Variants in HECW1 observed in about 807,000 individuals in gnomAD.
HECW1 encodes E3 ubiquitin-protein ligase HECW1.
HECW1 carries 61 observed loss-of-function variants against 182.3 expected under a neutral mutation model. That is an observed-to-expected ratio of 0.33 (90% CI 0.27 to 0.41). The LOEUF (loss-of-function observed/expected upper bound fraction) is 0.41, where lower values mean the gene tolerates loss of function less well. Among genes scored for constraint, HECW1 ranks in the 10% least tolerant of loss-of-function variants. The pLI, the probability that HECW1 is intolerant of heterozygous loss-of-function variation, is 1.00. For synonymous variants in HECW1, 859 were observed against 832.6 expected, an observed-to-expected ratio of 1.03 and a Z score of -0.55; for missense variants, 1,739 against 2,108.9, an observed-to-expected ratio of 0.82 and a Z score of 3.44.
chr7:43,333,826 A>C (rs781571805), intron 5 of HECW1, among the ~76,000 whole-genome samples: 1 of 152,158 alleles, frequency 6.6e-6, no homozygotes, highest in African/African-American at 2.4e-5. Flanking sequence ...AACAGAGTCA[A>C]CTGACCTATC....
At chr7:43,424,640 T>A (rs1054605036) in intron 8 of HECW1, among the ~76,000 whole-genome samples, 13 of 151,530 alleles carry the variant, frequency 8.6e-5, no homozygotes, top group Admixed American at 4.6e-4. Context: ...AATAAAAAAA[T>A]AAATAAATAA....
chr7:43,404,675 A>G (rs1239376040), intron 7 of HECW1, among the ~76,000 whole-genome samples: 3 of 152,154 alleles, frequency 2.0e-5, no homozygotes, highest in Admixed American at 2.0e-4. Context: ...AATATAACAG[A>G]TTGGTTAAAA....
intron 2 of HECW1, among the ~76,000 whole-genome samples, chr7:43,172,140 G>T (rs552766514): frequency 6.8e-6 from 1 of 148,040 alleles, no homozygotes; most frequent in Non-Finnish European, 1.5e-5. Context: ...AAAAAAATTA[G>T]CCAGGCACAA....
At chr7:43,500,015 A>G (rs1436595810) in intron 19 of HECW1, among the ~76,000 whole-genome samples, 1 of 151,852 alleles carries the variant, frequency 6.6e-6, no homozygotes, top group African/African-American at 2.4e-5. Context: ...TAAATTTTCC[A>G]TCAGGCACAA....
intron 2 of HECW1, among the ~76,000 whole-genome samples, chr7:43,165,403 G>GT (rs1425195745): frequency 6.6e-6 from 1 of 151,092 alleles, no homozygotes; most frequent in Non-Finnish European, 1.5e-5. Context: ...TTGGCGGGGG[G>GT]GGGTGTTTGT....
rs1328628881 is a variant in HECW1 at position 43,243,426 on chromosome 7, G to A, written c.-31-449G>A. ...CTGAGGGAGTAAGGGCACTGAAACA[G>A]GCAGTGAATTTTCAGCAGTTTAACT... On this transcript the variant is annotated intron_variant, in intron 2 of 29. Transcript: ENST00000395891. This position sits in a 1 kb window ranked among gnomAD's most constrained non-coding sequence, Gnocchi z 4.0. Among the ~76,000 whole-genome samples, 4 of 152,158 alleles carry A rather than the reference G, an allele frequency of 2.6e-5. No homozygotes were observed. The highest frequency in any genetic ancestry group is 5.9e-5 in the Non-Finnish European group (4 of 68,030).
chr7:43,364,455 A>G (rs1275429253), intron 6 of HECW1, among the ~76,000 whole-genome samples: 8 of 152,366 alleles, frequency 5.3e-5, no homozygotes, highest in African/African-American at 1.9e-4. Flanking sequence ...ACTCCATTAT[A>G]AATTATAATA....
chr7:43,139,403 A>G (rs1363901464), intron 2 of HECW1, among the ~76,000 whole-genome samples: 1 of 152,240 alleles, frequency 6.6e-6, no homozygotes. Flanking sequence ...GACCCCCTGC[A>G]TAGAGGATGA....
At chr7:43,466,301 A>G (rs948175657) in intron 14 of HECW1, 146 bp from the exon 15 acceptor site, 24 of 736,762 alleles carry the variant, frequency 3.3e-5, no homozygotes, top group Middle Eastern at 2.8e-4. Flanking sequence ...CTTAACTGAC[A>G]TACATAAAGT....
intron 16 of HECW1, among the ~76,000 whole-genome samples, chr7:43,470,146 G>A (rs2077959122): frequency 3.3e-5 from 5 of 152,204 alleles, no homozygotes. Flanking sequence ...GCCAGGATCT[G>A]CTCCCTGGGA....
intron 23 of HECW1, 144 bp from the exon 24 acceptor site, chr7:43,508,825 T>C (rs1196830011): frequency 2.0e-5 from 15 of 737,038 alleles, no homozygotes; most frequent in East Asian, 2.5e-5. Flanking sequence ...GATGCTGCCA[T>C]TGGCATTCAC....
At chr7:43,302,016 A>G (rs929069205) in intron 3 of HECW1, among the ~76,000 whole-genome samples, 9 of 152,230 alleles carry the variant, frequency 5.9e-5, no homozygotes, top group Admixed American at 5.2e-4. Context: ...ATCCTCCATG[A>G]CAAATGATAA....
intron 3 of HECW1, among the ~76,000 whole-genome samples, chr7:43,246,111 C>A (rs1443222412): frequency 6.6e-6 from 1 of 150,560 alleles, no homozygotes; most frequent in African/African-American, 2.5e-5. Context: ...CCAGCCCGAG[C>A]CATAGGGAGA....
intron 4 of HECW1, among the ~76,000 whole-genome samples, chr7:43,314,185 A>G (rs1808894494): frequency 6.6e-6 from 1 of 152,166 alleles, no homozygotes; most frequent in Non-Finnish European, 1.5e-5. Flanking sequence ...TCCTCAAGTT[A>G]GGTACCCACT....
chr7:43,189,989 G>C (rs1023010673), intron 2 of HECW1, among the ~76,000 whole-genome samples: 2 of 152,138 alleles, frequency 1.3e-5, no homozygotes, highest in South Asian at 4.1e-4. Flanking sequence ...AGCCAATATT[G>C]GGAGAGAGAA....
At chr7:43,446,829 G>GA (rs984139037) in intron 11 of HECW1, among the ~76,000 whole-genome samples, 3 of 152,208 alleles carry the variant, frequency 2.0e-5, no homozygotes, top group Non-Finnish European at 4.4e-5. Context: ...GAGCGGGATG[G>GA]AAAATCCCTC....
chr7:43,188,247 C>T (rs1337940080), intron 2 of HECW1, among the ~76,000 whole-genome samples: 1 of 152,190 alleles, frequency 6.6e-6, no homozygotes, highest in Non-Finnish European at 1.5e-5. Flanking sequence ...TCCCACAGAT[C>T]AACTAGCAAT....
chr7:43,233,174 C>CAT (rs1011548110), intron 2 of HECW1, among the ~76,000 whole-genome samples: 32 of 152,194 alleles, frequency 2.1e-4, no homozygotes, highest in African/African-American at 7.5e-4. Context: ...TTAATGTTTT[C>CAT]ATATATATTC....
intron 2 of HECW1, chr7:43,207,866 C>T (rs575630336): frequency 2.6e-5 from 4 of 152,310 alleles, no homozygotes; most frequent in South Asian, 4.1e-4. Flanking sequence ...GAAATGAACA[C>T]TGCCATTACT....
Sources: gnomAD v4.1 joint callset for allele counts (sites outside exome capture counted in the v4.1 genomes callset) on GRCh38, gnomAD v4.1.1 for gene constraint, Gnocchi (gnomAD v3.1) non-coding constraint, MANE v1.5 for transcripts, NCBI Gene and HGNC (gene_info 2026-07-23, HGNC 2026-07-21) for gene names.